GALNT17: variants seen among roughly 807,000 people sequenced by gnomAD.
GALNT17 encodes polypeptide N-acetylgalactosaminyltransferase 17, also known as UDP-GalNAc:polypeptide N-acetylgalactosaminyltransferase-like 3.
In GALNT17, 29 loss-of-function variants were observed where a neutral mutation model predicts 63.7. The ratio of observed to expected loss-of-function variants is 0.46; its 90% confidence interval spans 0.34 to 0.62. GALNT17 has a LOEUF of 0.62. Among genes scored for constraint, GALNT17 ranks in the 20% least tolerant of loss-of-function variants. GALNT17 has a pLI of 0.01. For missense variants in GALNT17, 603 were observed against 799.6 expected (o/e 0.75, Z 2.97); for synonymous variants, 305 against 318.3 (o/e 0.96, Z 0.45).
At chr7:71,133,188 T>G in intron 1 of GALNT17, 148 bp downstream of exon 1, 1 of 651,248 alleles carries the variant, frequency 1.5e-6, no homozygotes, top group South Asian at 2.3e-5. Context: ...CTGCCCCGTT[T>G]CGGGCAGATG....
intron 6 of GALNT17, among the ~76,000 whole-genome samples, chr7:71,598,795 C>T (rs1789924576): frequency 7.9e-6 from 1 of 126,008 alleles, no homozygotes; most frequent in Non-Finnish European, 1.7e-5. Context: ...ACTAAGCACA[C>T]AGAAATGGGC....
At chr7:71,701,863 ATATATACATATATATATG>A (rs1791649038) in intron 9 of GALNT17, among the ~76,000 whole-genome samples, 1 of 84,822 alleles carries the variant, frequency 1.2e-5, no homozygotes, top group East Asian at 2.7e-4. Flanking sequence ...ATACACATAT[ATATATACATATATATATG>A]TATATATATA....
At chr7:71,472,268 C>T (rs775840368) in intron 5 of GALNT17, among the ~76,000 whole-genome samples, 1 of 152,122 alleles carries the variant, frequency 6.6e-6, no homozygotes, top group East Asian at 1.9e-4. Flanking sequence ...GAGAGAATAA[C>T]ATTGGAGGTT....
intron 5 of GALNT17, among the ~76,000 whole-genome samples, chr7:71,442,460 A>G (rs1009241402): frequency 1.3e-5 from 2 of 151,930 alleles, no homozygotes; most frequent in African/African-American, 4.8e-5. Flanking sequence ...CGGCCTCCCA[A>G]AGTGCTGGGA....
chr7:71,148,642 A>T (rs944305461), intron 1 of GALNT17, among the ~76,000 whole-genome samples: 2 of 152,152 alleles, frequency 1.3e-5, no homozygotes, highest in African/African-American at 4.8e-5. Flanking sequence ...AATTAACTAG[A>T]ATACTGAAGG....
intron 5 of GALNT17, among the ~76,000 whole-genome samples, chr7:71,548,483 G>C (rs1789023503): frequency 6.6e-6 from 1 of 152,138 alleles, no homozygotes; most frequent in Non-Finnish European, 1.5e-5. Flanking sequence ...TTGACAATCT[G>C]GTAGAAGGTA....
chr7:71,287,527 C>G (rs1225767404), intron 1 of GALNT17, among the ~76,000 whole-genome samples: 1 of 152,084 alleles, frequency 6.6e-6, no homozygotes, highest in Non-Finnish European at 1.5e-5. Context: ...CTTCTGTTAT[C>G]CATTTATAGT....
chr7:71,179,193 G>T (rs962885722), intron 1 of GALNT17, among the ~76,000 whole-genome samples: 5 of 151,956 alleles, frequency 3.3e-5, no homozygotes, highest in African/African-American at 1.2e-4. Flanking sequence ...TGCTCATTGA[G>T]ATAAATGCAT....
chr7:71,493,335 C>CA (rs1448067990), intron 5 of GALNT17, among the ~76,000 whole-genome samples: 2 of 152,216 alleles, frequency 1.3e-5, no homozygotes, highest in South Asian at 4.1e-4. Flanking sequence ...ATTGAAGAAT[C>CA]ACGCTCCCTG....
chr7:71,552,253 C>G (rs1309711082), intron 5 of GALNT17, among the ~76,000 whole-genome samples: 1 of 151,958 alleles, frequency 6.6e-6, no homozygotes, highest in Non-Finnish European at 1.5e-5. Context: ...CCATGTTGGC[C>G]AGGCTGGTCT....
chr7:71,679,370 G>T (rs1280125416), intron 9 of GALNT17, among the ~76,000 whole-genome samples: 1 of 152,034 alleles, frequency 6.6e-6, no homozygotes, highest in African/African-American at 2.4e-5. Flanking sequence ...TGCACTCCTG[G>T]GTGACAGAGT....
chr7:71,684,796 G>T (rs1276442026), intron 9 of GALNT17, among the ~76,000 whole-genome samples: 1 of 151,970 alleles, frequency 6.6e-6, no homozygotes, highest in Non-Finnish European at 1.5e-5. Flanking sequence ...CAGAGTAACT[G>T]GGACTACTGG....
intron 5 of GALNT17, among the ~76,000 whole-genome samples, chr7:71,469,677 G>C (rs1787595969): frequency 1.3e-5 from 2 of 152,204 alleles, no homozygotes; most frequent in Non-Finnish European, 2.9e-5. Context: ...GTGACCATCT[G>C]TTTATACATC....
chr7:71,148,683 G>T (rs191215124), intron 1 of GALNT17, among the ~76,000 whole-genome samples: 27 of 151,854 alleles, frequency 1.8e-4, no homozygotes, highest in African/African-American at 6.0e-4. Flanking sequence ...ATACATAATT[G>T]TATTTTGTCT....
At chr7:71,369,710 G>C (rs1792583837) in intron 2 of GALNT17, among the ~76,000 whole-genome samples, 1 of 151,630 alleles carries the variant, frequency 6.6e-6, no homozygotes, top group Admixed American at 6.6e-5. Context: ...CTACTCGGGA[G>C]GCTGCGACAC....
Position 71,139,535 on chromosome 7 carries a change from T to C in GALNT17, c.238+6495T>C, listed in dbSNP as rs892944711. Among the ~76,000 whole-genome samples, 7 of 152,108 alleles carry C rather than the reference T, an allele frequency of 4.6e-5. No homozygotes were observed. In the East Asian group the frequency reaches 1.3e-3, roughly 29 times the overall value. The stretch of plus-strand genomic sequence containing the variant: ...TCTTCCAGTCCTGCCCCCAAGCCAC[T>C]CAGGCACTTGAAGTTGGAGTCTGAG... On this transcript the variant is annotated intron_variant, in intron 1 of 10. Transcript: ENST00000333538.
chr7:71,669,883 A>T (rs1791042185), intron 7 of GALNT17, 89 bp from the exon 8 acceptor site: 2 of 1,526,626 alleles, frequency 1.3e-6, no homozygotes, highest in African/African-American at 2.8e-5. Flanking sequence ...CTTCTATGTG[A>T]AGGTTTCCCT....
chr7:71,471,415 C>A (rs199525500), intron 5 of GALNT17, among the ~76,000 whole-genome samples: 15,979 of 126,080 alleles, frequency 0.13, 1,509 homozygotes, highest in East Asian at 0.54. Flanking sequence ...AAAAAAAAAA[C>A]AAAAAAAACC....
At chr7:71,148,890 A>ATGTG (rs1456598913) in intron 1 of GALNT17, among the ~76,000 whole-genome samples, 1 of 133,478 alleles carries the variant, frequency 7.5e-6, no homozygotes, top group Non-Finnish European at 1.6e-5. Context: ...ATATATATAT[A>ATGTG]TATGTATACC....
Sources: allele counts gnomAD v4.1 joint callset (sites outside exome capture counted in the v4.1 genomes callset), GRCh38; gene constraint gnomAD v4.1.1; transcripts MANE v1.5; gene names NCBI Gene and HGNC (gene_info 2026-07-23, HGNC 2026-07-21).